Variants in THRAP3 observed in about 807,000 individuals in gnomAD.
THRAP3 encodes thyroid hormone receptor associated protein 3.
A neutral mutation model predicts 101.0 loss-of-function variants in THRAP3; 16 were observed. That is an observed-to-expected ratio of 0.16 (90% CI 0.11 to 0.24). The LOEUF (loss-of-function observed/expected upper bound fraction) is 0.24, where lower values mean the gene tolerates loss of function less well. THRAP3 is among the 10% of genes least tolerant of loss of function. The probability of loss-of-function intolerance (pLI) is 1.00; values close to 1 mark genes in which losing one functional copy is unlikely to be tolerated. For synonymous variants in THRAP3, 407 were observed against 422.6 expected (o/e 0.96, Z 0.45); for missense variants, 989 against 1,202.7 (o/e 0.82, Z 2.63).
At chr1:36,238,180 G>A (rs908192318) in intron 1 of THRAP3, among the ~76,000 whole-genome samples, 3 of 151,952 alleles carry the variant, frequency 2.0e-5, no homozygotes, top group Non-Finnish European at 4.4e-5. Flanking sequence ...GTTGCCCAGG[G>A]TAGTCTTAAA....
At chr1:36,214,874 A>G in the THRAP3 span, among the ~76,000 whole-genome samples, 26 of 151,280 alleles carry the variant, frequency 1.7e-4, no homozygotes, top group African/African-American at 5.3e-4. Flanking sequence ...AAAAATAAAT[A>G]AATAAAATAA....
intron 2 of THRAP3, among the ~76,000 whole-genome samples, chr1:36,262,959 A>ATTTTTTTT (rs55662646): frequency 5.6e-4 from 58 of 104,362 alleles, no homozygotes; most frequent in East Asian, 1.0e-3. Flanking sequence ...GGGCCGGCTA[A>ATTTTTTTT]TTTTTTTTTT....
chr1:36,301,440 T>A, intron 10 of THRAP3, 113 bp from the exon 11 acceptor site: 1 of 1,339,312 alleles, frequency 7.5e-7, no homozygotes, highest in East Asian at 2.4e-5. Flanking sequence ...AGCATATGAC[T>A]GGAAGACAGC....
In THRAP3 at chr1:36,291,516, C is replaced by A; in HGVS notation, c.1888C>A (p.His630Asn). 1 of 1,614,230 alleles carries A rather than the reference C, an allele frequency of 6.2e-7. No individual in the cohort carries two copies. Among genetic ancestry groups the A allele is most frequent in the Non-Finnish European group, 8.5e-7 (1 of 1,180,040 alleles). The change falls in exon 6 of 12, where the codon CAT becomes AAT. Residue 630 changes from histidine (H) to asparagine (N), a missense_variant. Coordinates refer to ENST00000354618, the MANE Select transcript of THRAP3 (RefSeq NM_005119.4). Reference protein sequence around the residue: ...QRSPSELFAQHIVTIVHHVKE... With the variant: ...QRSPSELFAQNIVTIVHHVKE... ...TAGCCCCTCAGAACTGTTTGCCCAA[C>A]ATATAGTGACCATTGTTCACCATGT... is the stretch of plus-strand genomic sequence containing the variant.
chr1:36,278,656 G>A (rs945480987), intron 2 of THRAP3, among the ~76,000 whole-genome samples: 15 of 152,134 alleles, frequency 9.9e-5, no homozygotes, highest in African/African-American at 3.4e-4. Context: ...AGGCGTGGTG[G>A]ATCACGCATG....
At chr1:36,232,006 C>T (rs1333300409) in intron 1 of THRAP3, among the ~76,000 whole-genome samples, 1 of 151,988 alleles carries the variant, frequency 6.6e-6, no homozygotes, top group Non-Finnish European at 1.5e-5. Context: ...CACTTGAGGT[C>T]AGGAGTTTGA....
chr1:36,250,601 T>C (rs1645288541), intron 1 of THRAP3, among the ~76,000 whole-genome samples: 1 of 151,890 alleles, frequency 6.6e-6, no homozygotes, highest in South Asian at 2.1e-4. Context: ...ACTGACTTTA[T>C]AAGACACATT....
At chr1:36,276,796 G>T (rs1205316974) in intron 2 of THRAP3, among the ~76,000 whole-genome samples, 1 of 151,954 alleles carries the variant, frequency 6.6e-6, no homozygotes, top group Non-Finnish European at 1.5e-5. Flanking sequence ...GGTGGAGGCT[G>T]CAGTGAGCCG....
chr1:36,224,440 CG>C (rs1243368275), upstream of THRAP3: 2 of 153,318 alleles, frequency 1.3e-5, no homozygotes, highest in Non-Finnish European at 2.9e-5. Flanking sequence ...CGCTGTGGGG[CG>C]GGGGCGAGGT....
the THRAP3 span, among the ~76,000 whole-genome samples, chr1:36,218,284 G>A: frequency 1.3e-5 from 2 of 150,694 alleles, no homozygotes; most frequent in African/African-American, 2.4e-5. Context: ...CAGGAGAATC[G>A]CTTGAAATCA....
chr1:36,305,004 CTTT>C lies in THRAP3; in HGVS notation c.*996_*998del, dbSNP rs369334345. 1.1e-5 allele frequency: 2 copies of C among 189,942 alleles called. No homozygotes were observed. Among genetic ancestry groups the C allele is most frequent in the Admixed American group, 6.3e-5 (1 of 15,876 alleles). 11.8% of individuals were successfully genotyped at this position (189,942 alleles called of 1,614,324 possible). A position where few individuals can be genotyped will look rare whatever the true frequency, so the allele number is the denominator to read the frequency against. On this transcript the variant is annotated 3_prime_UTR_variant, in exon 12 of 12. Coordinates refer to ENST00000354618, the MANE Select transcript of THRAP3 (RefSeq NM_005119.4). ...GTGGTTCAGGGGTTTTTTTGGGTTTCTTTTTTTTTTTCTTTGTCTTTTTAACCT... is the reference window on the plus strand; with the variant it reads ...GTGGTTCAGGGGTTTTTTTGGGTTTCTTTTTTTTCTTTGTCTTTTTAACCT...
the THRAP3 span, among the ~76,000 whole-genome samples, chr1:36,213,660 A>C: frequency 1.1e-4 from 17 of 151,906 alleles, no homozygotes; most frequent in Non-Finnish European, 8.8e-5. Flanking sequence ...AGTCTGGCCA[A>C]CATAGTGAAA....
rs1460136018 is a variant in THRAP3, at chr1:36,227,236, G to A, written c.-135+2731G>A. On this transcript the variant is annotated intron_variant, in intron 1 of 11. Transcript: ENST00000354618. ...CCTTCTGATGGTAGGAAGGATTGCC[G>A]TCTCTCTCTTTAATATGTATAGACA... Among the ~76,000 whole-genome samples the A allele has an allele frequency of 3.3e-5, 5 of 152,134 alleles. No individual in the cohort carries two copies. In the South Asian group the frequency reaches 8.3e-4, roughly 25 times the overall value.
chr1:36,250,453 C>T (rs377003727), intron 1 of THRAP3, among the ~76,000 whole-genome samples: 1 of 152,132 alleles, frequency 6.6e-6, no homozygotes, highest in East Asian at 2.0e-4. Flanking sequence ...ACCTTGTGAT[C>T]CGCCCGCCTT....
At chr1:36,290,428 A>T (rs1365039528) in intron 5 of THRAP3, among the ~76,000 whole-genome samples, 4 of 151,744 alleles carry the variant, frequency 2.6e-5, no homozygotes, top group African/African-American at 9.7e-5. Context: ...TGACCTCGTG[A>T]TCCGCCCACC....
chr1:36,295,578 C>CCT (rs1570346193), intron 8 of THRAP3, among the ~76,000 whole-genome samples: 13 of 41,342 alleles, frequency 3.1e-4, no homozygotes, highest in African/African-American at 2.2e-4. Context: ...CCTTCCTTCC[C>CCT]TCCTCCCTTC....
chr1:36,221,786 G>A (rs1644904033), upstream of THRAP3, among the ~76,000 whole-genome samples: 2 of 148,658 alleles, frequency 1.3e-5, no homozygotes, highest in South Asian at 4.2e-4. Flanking sequence ...GAGTTTCACC[G>A]TGTTGGTCAG....
In THRAP3 at chr1:36,296,918, A is replaced by AG. The variant is rs754288876; in HGVS notation, c.2303+151dup. The AG allele has an allele frequency of 2.3e-5, 13 of 553,300 alleles. No individual in the cohort carries two copies. In the African/African-American group the frequency reaches 2.5e-4, roughly 11 times the overall value. The allele number at this position is 553,300 out of a possible 1,614,324, so 34.3% of individuals were successfully genotyped here. ...CTTTTAATCCATGTAAATGTCAGGTAGGGTCCCTAGTTTGAAAACAATTTC... is the reference window on the plus strand; with the variant it reads ...CTTTTAATCCATGTAAATGTCAGGTAGGGGTCCCTAGTTTGAAAACAATTTC... On this transcript the variant is annotated intron_variant, in intron 9 of 11. Coordinates refer to ENST00000354618, the MANE Select transcript of THRAP3 (RefSeq NM_005119.4).
chr1:36,267,065 G>A (rs535986218), intron 2 of THRAP3, among the ~76,000 whole-genome samples: 1 of 152,018 alleles, frequency 6.6e-6, no homozygotes, highest in African/African-American at 2.4e-5. Context: ...TGTATTTTTA[G>A]TAGAGACGGG....
Sources: allele counts gnomAD v4.1 joint callset (sites outside exome capture counted in the v4.1 genomes callset), GRCh38; gene constraint gnomAD v4.1.1; transcripts MANE v1.5; gene names NCBI Gene and HGNC (gene_info 2026-07-23, HGNC 2026-07-21).